PXN: variants seen among roughly 807,000 people sequenced by gnomAD.
PXN encodes paxillin.
PXN carries 61 observed loss-of-function variants against 103.6 expected under a neutral mutation model. That is an observed-to-expected ratio of 0.59 (90% CI 0.48 to 0.73). The LOEUF (loss-of-function observed/expected upper bound fraction) is 0.73. PXN is among the 30% of genes least tolerant of loss of function. PXN has a pLI of 0.00. For synonymous variants in PXN, 562 were observed against 607.8 expected (o/e 0.92, Z 1.11); for missense variants, 1,274 against 1,460.3 (o/e 0.87, Z 2.08).
At chr12:120,239,683 G>A (rs768062957) in intron 1 of PXN, among the ~76,000 whole-genome samples, 5 of 152,310 alleles carry the variant, frequency 3.3e-5, no homozygotes, top group African/African-American at 4.8e-5. Flanking sequence ...CCTGGGAGGC[G>A]GAGGTTGCAG....
chr12:120,242,225 G>A lies in PXN; in HGVS notation c.14-17848C>T, dbSNP rs559101351. 2.4e-4 allele frequency among the ~76,000 whole-genome samples: 36 copies of A among 152,264 alleles called. No homozygotes were observed. In the South Asian group the frequency reaches 7.5e-3, roughly 32 times the overall value. ...GGTACCCTTCTCCTGAACACAAGTT[G>A]TTCTCCCTGTCTGGCTTTGGGAGAA... On this transcript the variant is annotated intron_variant, in intron 1 of 14. Coordinates refer to ENST00000637617, the MANE Select transcript of PXN (RefSeq NM_001385981.1).
rs1566405492 is a variant in PXN at position 120,229,828 on chromosome 12, G to A, written c.14-5451C>T. Among the ~76,000 whole-genome samples the A allele has an allele frequency of 6.6e-6, 1 of 152,146 alleles. No homozygotes were observed. The highest frequency in any genetic ancestry group is 1.5e-5 in the Non-Finnish European group (1 of 68,024). On this transcript the variant is annotated intron_variant, in intron 1 of 14. Coordinates refer to ENST00000637617, the MANE Select transcript of PXN (RefSeq NM_001385981.1). This position sits in a 1 kb window ranked among gnomAD's most constrained non-coding sequence, Gnocchi z 4.0. ...TCAGCAGGAAGCAGGTAAATGTGGGGCATGGAGCCAGCTTTTCCATCCCTT... is the reference window on the plus strand; with the variant it reads ...TCAGCAGGAAGCAGGTAAATGTGGGACATGGAGCCAGCTTTTCCATCCCTT...
At chr12:120,248,918 C>T (rs1031644963) in intron 1 of PXN, among the ~76,000 whole-genome samples, 8 of 152,054 alleles carry the variant, frequency 5.3e-5, no homozygotes, top group Non-Finnish European at 1.0e-4. Context: ...GGGTGGATCA[C>T]CTGAGGTCAG....
chr12:120,257,557 G>C (rs552028834), intron 1 of PXN, among the ~76,000 whole-genome samples: 1 of 152,250 alleles, frequency 6.6e-6, no homozygotes, highest in East Asian at 1.9e-4. Flanking sequence ...TAGGCACCAG[G>C]GCCCTCACCT....
rs180723672 is a variant in PXN, at chr12:120,211,799, C to A, written c.*515G>T. ...GAGGAGCACAGAGAACCTTCCATGGCCCCTTTGGTTCTCTGCCTTTGGATG... is the reference window on the plus strand; with the variant it reads ...GAGGAGCACAGAGAACCTTCCATGGACCCTTTGGTTCTCTGCCTTTGGATG... On this transcript the variant is annotated 3_prime_UTR_variant, in exon 15 of 15. Coordinates refer to ENST00000637617, the MANE Select transcript of PXN (RefSeq NM_001385981.1). The A allele has an allele frequency of 6.2e-4, 257 of 416,780 alleles. 2 individuals carry two copies. Among genetic ancestry groups the A allele is most frequent in the Non-Finnish European group, 1.1e-3 (225 of 205,138 alleles). 25.8% of individuals were successfully genotyped at this position (416,780 alleles called of 1,614,324 possible). A position where few individuals can be genotyped will look rare whatever the true frequency, so the allele number is the denominator to read the frequency against.
chr12:120,236,035 T>C (rs934488640), intron 1 of PXN, among the ~76,000 whole-genome samples: 1 of 152,248 alleles, frequency 6.6e-6, no homozygotes, highest in Non-Finnish European at 1.5e-5. Flanking sequence ...ACAGTCAGCA[T>C]AGCTGTTCCC....
chr12:120,218,773 G>A (rs1272541253), intron 7 of PXN, among the ~76,000 whole-genome samples: 1 of 152,198 alleles, frequency 6.6e-6, no homozygotes, highest in Non-Finnish European at 1.5e-5. Context: ...ACACTTTCCA[G>A]GAATTATCTC....
At chr12:120,253,017 A>C (rs1465057041) in intron 1 of PXN, among the ~76,000 whole-genome samples, 1 of 151,480 alleles carries the variant, frequency 6.6e-6, no homozygotes, top group Admixed American at 6.6e-5. Flanking sequence ...AAAAAAAAAA[A>C]AAAGGAACAA....
rs537028610 is a variant in PXN at position 120,222,640 on chromosome 12, G to C, written c.604C>G (p.Pro202Ala). 2.5e-6 allele frequency: 4 copies of C among 1,609,532 alleles called. No individual in the cohort carries two copies. The highest frequency in any genetic ancestry group is 2.7e-5 in the African/African-American group (2 of 75,002). The change falls in exon 5 of 15, where the codon CCT (proline) becomes GCT (alanine). Residue 202 changes from proline to alanine, a missense_variant. This residue lies in a region of PXN where 1,178 missense variants were observed against 1,309.0 expected (regional missense o/e 0.90). Coordinates refer to ENST00000637617, the MANE Select transcript of PXN (RefSeq NM_001385981.1). This position sits in a 1 kb window ranked among gnomAD's most constrained non-coding sequence, Gnocchi z 4.7. The part of the protein sequence containing the change: ...GKAGPLTKEK[P>A]KRNGGRGLED... ...AGGCCCCGGCCCCCATTCCGCTTAG[G>C]CTTCTCTTTCGTCAGGGGCCCAGCT...
intron 1 of PXN, among the ~76,000 whole-genome samples, chr12:120,238,122 T>G (rs1889442839): frequency 1.3e-5 from 2 of 152,128 alleles, no homozygotes; most frequent in African/African-American, 4.8e-5. Context: ...AGAGTCACGC[T>G]GGGAAACCAC....
chr12:120,231,927 G>C (rs1334078839), intron 1 of PXN, among the ~76,000 whole-genome samples: 1 of 152,256 alleles, frequency 6.6e-6, no homozygotes, highest in Non-Finnish European at 1.5e-5. Flanking sequence ...AACAGCAGGT[G>C]AGACAAGGCT....
At chr12:120,259,261 A>G (rs568273387) in intron 1 of PXN, among the ~76,000 whole-genome samples, 1 of 151,550 alleles carries the variant, frequency 6.6e-6, no homozygotes, top group East Asian at 1.9e-4. Context: ...GTGTGGTGGC[A>G]TGCACCCATA....
chr12:120,236,300 G>C (rs1889026167), intron 1 of PXN, among the ~76,000 whole-genome samples: 1 of 152,140 alleles, frequency 6.6e-6, no homozygotes. Context: ...ATAAGGTATG[G>C]ACATCTGCAA....
chr12:120,213,736 C>T lies in PXN; in HGVS notation c.2979+106G>A. ...CCCTGCCTGCTCCCCCAATTAATAA[C>T]CCCAAATGAGGCCTCTGAGTTGGAT... On this transcript the variant is annotated intron_variant, in intron 14 of 14. Transcript: ENST00000637617. This position sits in a 1 kb window ranked among gnomAD's most constrained non-coding sequence, Gnocchi z 4.2. 1 of 1,438,562 alleles carries T rather than the reference C, an allele frequency of 7.0e-7. No individual in the cohort carries two copies. The highest frequency in any genetic ancestry group is 9.4e-7 in the Non-Finnish European group (1 of 1,063,604). The allele number at this position is 1,438,562 out of a possible 1,614,324, so 89.1% of individuals were successfully genotyped here.
chr12:120,215,625 A>ACCCCGG lies in PXN; in HGVS notation c.2337_2338insCCGGGG (p.Arg779_Cys780insProGly), dbSNP rs748839310. The stretch of plus-strand genomic sequence containing the variant: ...TCCCGAGGCCAGCCGGCCGCCCAGC[A>ACCCCGG]CCGCTCCCCATCCGCTCTTTGCTCC... On this transcript the variant is annotated inframe_insertion, in exon 10 of 15. Coordinates refer to ENST00000637617, the MANE Select transcript of PXN (RefSeq NM_001385981.1). The surrounding 1 kb of genome is among the most constrained non-coding windows in gnomAD (Gnocchi z 4.9). 3 of 1,612,100 alleles carry ACCCCGG rather than the reference A, an allele frequency of 1.9e-6. No homozygotes were observed. In the South Asian group the frequency reaches 3.3e-5, roughly 18 times the overall value.
chr12:120,222,525 G>A lies in PXN; in HGVS notation c.695+24C>T, dbSNP rs1885488065. ...AGGCTGGGCCAGCCCTTCCCCACCT[G>A]GGGAGGGCCCAGTGGGTACTCACAC... On this transcript the variant is annotated intron_variant, in intron 5 of 14. Coordinates refer to ENST00000637617, the MANE Select transcript of PXN (RefSeq NM_001385981.1). The surrounding 1 kb of genome is among the most constrained non-coding windows in gnomAD (Gnocchi z 4.7). 6.4e-7 allele frequency: 1 copy of A among 1,570,860 alleles called. No individual in the cohort carries two copies. Among genetic ancestry groups the A allele is most frequent in the Non-Finnish European group, 8.6e-7 (1 of 1,158,360 alleles).
chr12:120,244,846 A>G (rs117864951), intron 1 of PXN, among the ~76,000 whole-genome samples: 4,090 of 151,648 alleles, frequency 0.027, 79 homozygotes, highest in Non-Finnish European at 0.04. Flanking sequence ...AATAAAATAA[A>G]ATAAAATAAA....
chr12:120,228,258 C>A lies in PXN; in HGVS notation c.14-3881G>T, dbSNP rs1887304279. On this transcript the variant is annotated intron_variant, in intron 1 of 14. Coordinates refer to ENST00000637617, the MANE Select transcript of PXN (RefSeq NM_001385981.1). This position sits in a 1 kb window ranked among gnomAD's most constrained non-coding sequence, Gnocchi z 4.7. Reference sequence around the variant, plus strand: ...GGTCCAGGCCTGGGGCCCTCCAGACCCAAGTCACCCTGAAGGAGGAAGCTC... The same window carrying A: ...GGTCCAGGCCTGGGGCCCTCCAGACACAAGTCACCCTGAAGGAGGAAGCTC... Among the ~76,000 whole-genome samples the A allele has an allele frequency of 6.6e-6, 1 of 152,212 alleles. No homozygotes were observed. Among genetic ancestry groups the A allele is most frequent in the Admixed American group, 6.5e-5 (1 of 15,288 alleles).
chr12:120,246,140 GC>G lies in PXN; in HGVS notation c.13+19476del, dbSNP rs1274240299. 3.2e-3 allele frequency among the ~76,000 whole-genome samples: 474 copies of G among 147,654 alleles called. 1 individual carries two copies. Among genetic ancestry groups the G allele is most frequent in the African/African-American group, 0.011 (457 of 40,310 alleles). ...AATGGCTCACACCTATAATCCCAGC[GC>G]ATTGGGAGGCCAAAGCAGGAGGATT... On this transcript the variant is annotated intron_variant, in intron 1 of 14. Coordinates refer to ENST00000637617, the MANE Select transcript of PXN (RefSeq NM_001385981.1).
Sources: allele counts gnomAD v4.1 joint callset (sites outside exome capture counted in the v4.1 genomes callset), GRCh38; gene constraint gnomAD v4.1.1; regional missense constraint gnomAD v4.1.1; non-coding constraint Gnocchi (gnomAD v3.1); transcripts MANE v1.5; gene names NCBI Gene and HGNC (gene_info 2026-07-23, HGNC 2026-07-21).